The following SH3KBP1 variants were observed in gnomAD, a reference collection of about 807,000 sequenced individuals.
The protein encoded by SH3KBP1 is SH3 domain containing kinase binding protein 1, also known as SH3 domain-containing kinase-binding protein 1.
SH3KBP1 carries 8 observed loss-of-function variants against 50.1 expected under a neutral mutation model. The ratio of observed to expected loss-of-function variants is 0.16; its 90% confidence interval spans 0.09 to 0.29. The LOEUF is 0.29. Ranked by LOEUF, SH3KBP1 falls within the 10% of genes least tolerant of loss-of-function variation. SH3KBP1 has a pLI of 1.00. For synonymous variants in SH3KBP1, 227 were observed against 218.6 expected, an observed-to-expected ratio of 1.04 and a Z score of -0.34; for missense variants, 377 against 535.2, an observed-to-expected ratio of 0.70 and a Z score of 2.92.
chrX:19,624,931 T>C (rs1056534622), intron 8 of SH3KBP1, among the ~76,000 whole-genome samples: 2 of 112,489 alleles, frequency 1.8e-5, no homozygotes, highest in East Asian at 2.8e-4. Context: ...GTCTGTCTAA[T>C]GGGTCTGTCA....
At chrX:19,780,918 T>C (rs1324060376) in intron 2 of SH3KBP1, among the ~76,000 whole-genome samples, 1 of 112,299 alleles carries the variant, frequency 8.9e-6, no homozygotes, top group East Asian at 2.8e-4. Flanking sequence ...ATAATTATTG[T>C]CTTATAATCA....
At chrX:19,785,362 A>G (rs1295213280) in intron 2 of SH3KBP1, among the ~76,000 whole-genome samples, 1 of 103,761 alleles carries the variant, frequency 9.6e-6, no homozygotes, top group Non-Finnish European at 1.9e-5. Flanking sequence ...TACAAAAAAT[A>G]CAAAAAAAAA....
At chrX:19,596,810 A>G (rs1463011032) in intron 9 of SH3KBP1, among the ~76,000 whole-genome samples, 1 of 112,190 alleles carries the variant, frequency 8.9e-6, no homozygotes, top group Non-Finnish European at 1.9e-5. Context: ...AAGGTTGATC[A>G]TGAGATTGCA....
intron 13 of SH3KBP1, among the ~76,000 whole-genome samples, chrX:19,564,569 TC>T (rs757322590): frequency 2.3e-4 from 25 of 107,398 alleles, no homozygotes; most frequent in East Asian, 6.0e-4. Context: ...TCTCTCTCTC[TC>T]CCCCCCCTTC....
chrX:19,577,728 C>T (rs1474513777), intron 12 of SH3KBP1, among the ~76,000 whole-genome samples: 2 of 107,899 alleles, frequency 1.9e-5, no homozygotes, highest in African/African-American at 7.0e-5. Context: ...GTAGCACTAA[C>T]AGCAGCCACA....
intron 2 of SH3KBP1, among the ~76,000 whole-genome samples, chrX:19,801,241 G>A (rs2066881054): frequency 8.9e-6 from 1 of 112,099 alleles, no homozygotes; most frequent in African/African-American, 3.2e-5. Flanking sequence ...TGACCACAGG[G>A]AAGCCAGCCC....
intron 1 of SH3KBP1, among the ~76,000 whole-genome samples, chrX:19,865,689 A>G (rs2068887925): frequency 8.9e-6 from 1 of 112,182 alleles, no homozygotes; most frequent in African/African-American, 3.2e-5. Context: ...TTACCTGGGA[A>G]GCAGCATATG....
chrX:19,559,274 CAAA>C (rs369794445), intron 13 of SH3KBP1, among the ~76,000 whole-genome samples: 1 of 8,617 alleles, frequency 1.2e-4, no homozygotes, highest in Non-Finnish European at 1.8e-4. Context: ...TCTGTCTCAC[CAAA>C]AAAAAAAAAA....
intron 2 of SH3KBP1, among the ~76,000 whole-genome samples, chrX:19,831,229 C>T (rs1242689806): frequency 1.8e-5 from 2 of 110,315 alleles, no homozygotes; most frequent in African/African-American, 6.6e-5. Flanking sequence ...CCAGCCTGGG[C>T]AATATAGCAA....
At chrX:19,776,532 GTTTTTTTTT>G (rs72090569) in intron 2 of SH3KBP1, among the ~76,000 whole-genome samples, 22 of 25,683 alleles carry the variant, frequency 8.6e-4, no homozygotes, top group Non-Finnish European at 1.3e-3. Flanking sequence ...TGACAACCTG[GTTTTTTTTT>G]TTTTTTTTTT....
intron 1 of SH3KBP1, among the ~76,000 whole-genome samples, chrX:19,862,679 A>T (rs1280971813): frequency 9.0e-6 from 1 of 111,139 alleles, no homozygotes; most frequent in Non-Finnish European, 1.9e-5. Context: ...AAAAAAATTT[A>T]AATCCATGAA....
At chrX:19,881,632 G>C (rs2069436109) in intron 1 of SH3KBP1, among the ~76,000 whole-genome samples, 1 of 111,274 alleles carries the variant, frequency 9.0e-6, no homozygotes, top group Non-Finnish European at 1.9e-5. Context: ...TAGTGGGTGG[G>C]TCCTGAGCTC....
Position 19,778,299 on chromosome X carries a change from C to T in SH3KBP1, c.163-31858G>A, listed in dbSNP as rs765061572. Among the ~76,000 whole-genome samples the T allele has an allele frequency of 3.7e-4, 40 of 109,059 alleles. No homozygotes were observed. In the East Asian group the frequency reaches 9.6e-3, roughly 26 times the overall value. 94.7% of individuals were successfully genotyped at this position (109,059 alleles called of 115,157 possible). A position where few individuals can be genotyped will look rare whatever the true frequency, so the allele number is the denominator to read the frequency against. ...TACAAAAATTAGCTGGACACGATGGCGGGCGCCTGTAATCCCAGCTACTTG... is the reference window on the plus strand; with the variant it reads ...TACAAAAATTAGCTGGACACGATGGTGGGCGCCTGTAATCCCAGCTACTTG... On this transcript the variant is annotated intron_variant, in intron 2 of 17. Coordinates refer to ENST00000397821, the MANE Select transcript of SH3KBP1 (RefSeq NM_031892.3).
Position 19,535,799 on chromosome X carries a change from T to C in SH3KBP1, c.*618A>G, listed in dbSNP as rs2064692462. 1 of 111,751 alleles carries C rather than the reference T, an allele frequency of 8.9e-6. No individual in the cohort carries two copies. The highest frequency in any genetic ancestry group is 1.9e-5 in the Non-Finnish European group (1 of 53,124). 9.2% of individuals were successfully genotyped at this position (111,751 alleles called of 1,213,427 possible). ...GGCACAGATCATTGCAAATACCAGA[T>C]TTTCTCTTTCTCTTTTTGTAAATAT... On this transcript the variant is annotated 3_prime_UTR_variant, in exon 18 of 18. Transcript: ENST00000397821.
intron 2 of SH3KBP1, among the ~76,000 whole-genome samples, chrX:19,829,716 G>A (rs747529422): frequency 2.6e-4 from 24 of 90,853 alleles, no homozygotes; most frequent in African/African-American, 7.4e-4. Context: ...ACTGCACTCC[G>A]TCTCAAAAAA....
intron 12 of SH3KBP1, among the ~76,000 whole-genome samples, chrX:19,584,154 AATATATTTAT>A (rs1321739256): frequency 2.4e-4 from 23 of 94,075 alleles, no homozygotes; most frequent in African/African-American, 6.6e-4. Flanking sequence ...ATTTATATAT[AATATATTTAT>A]ATATATTTAT....
intron 12 of SH3KBP1, among the ~76,000 whole-genome samples, chrX:19,571,613 T>A (rs2066009035): frequency 8.9e-6 from 1 of 112,104 alleles, no homozygotes; most frequent in African/African-American, 3.2e-5. Flanking sequence ...AGAAATACAT[T>A]CCTGGGGACC....
chrX:19,643,635 C>G (rs1197433394), intron 7 of SH3KBP1, among the ~76,000 whole-genome samples: 1 of 111,093 alleles, frequency 9.0e-6, no homozygotes, highest in African/African-American at 3.3e-5. Flanking sequence ...CCTTTCCTGA[C>G]CTGCTACCAT....
intron 1 of SH3KBP1, among the ~76,000 whole-genome samples, chrX:19,872,252 CAAAAAAAAAAA>C (rs67033348): frequency 5.3e-5 from 2 of 37,967 alleles, no homozygotes; most frequent in African/African-American, 9.9e-5. Flanking sequence ...AACTTCATCT[CAAAAAAAAAAA>C]AAAAAAAAAA....
Sources: gnomAD v4.1 joint callset for allele counts (sites outside exome capture counted in the v4.1 genomes callset) on GRCh38, gnomAD v4.1.1 for gene constraint, MANE v1.5 for transcripts, NCBI Gene and HGNC (gene_info 2026-07-23, HGNC 2026-07-21) for gene names.